Variants in TMOD2 observed in about 807,000 individuals in gnomAD.
TMOD2 encodes tropomodulin 2, also known as tropomodulin-2.
In TMOD2, 22 loss-of-function variants were observed where a neutral mutation model predicts 39.9. The ratio of observed to expected loss-of-function variants is 0.55; its 90% CI spans 0.39 to 0.79. TMOD2 has a LOEUF of 0.79. Ranked by LOEUF, TMOD2 falls within the 30% of genes least tolerant of loss-of-function variation. The pLI, the probability that TMOD2 is intolerant of heterozygous loss-of-function variation, is 0.00. For synonymous variants in TMOD2, 123 were observed against 146.1 expected (o/e 0.84, Z 1.14); for missense variants, 386 against 413.3 (o/e 0.93, Z 0.57).
At chr15:51,770,273 C>A (rs182284072) in intron 3 of TMOD2, among the ~76,000 whole-genome samples, 1 of 152,270 alleles carries the variant, frequency 6.6e-6, no homozygotes, top group African/African-American at 2.4e-5. Flanking sequence ...TTTTTCACAT[C>A]CTAAGGGTCT....
intron 7 of TMOD2, among the ~76,000 whole-genome samples, chr15:51,785,558 A>C (rs2055963663): frequency 6.6e-6 from 1 of 152,106 alleles, no homozygotes; most frequent in South Asian, 2.1e-4. Context: ...TGTTAAGTGA[A>C]ACAAGCCAAG....
intron 7 of TMOD2, among the ~76,000 whole-genome samples, chr15:51,793,739 T>G (rs953401951): frequency 6.6e-6 from 1 of 152,234 alleles, no homozygotes; most frequent in Non-Finnish European, 1.5e-5. Context: ...TTTCTCAAGT[T>G]TAAAAGAAAT....
chr15:51,815,924 G>C lies in TMOD2; in HGVS notation c.*7470G>C, dbSNP rs1309086729. The C allele has an allele frequency of 1.3e-5, 2 of 152,164 alleles. No homozygotes were observed. The highest frequency in any genetic ancestry group is 4.8e-5 in the African/African-American group (2 of 41,444). The allele number at this position is 152,164 out of a possible 1,614,324, so 9.4% of individuals were successfully genotyped here. A position where few individuals can be genotyped will look rare whatever the true frequency, so the allele number is the denominator to read the frequency against. On this transcript the variant is annotated 3_prime_UTR_variant, in exon 10 of 10. Transcript: ENST00000249700. ...TACTTTGCAAACTGTTTAAACAAGT[G>C]TTTAAACTTCTATTGGCAACATTTA...
chr15:51,801,249 A>T (rs1007146854), intron 8 of TMOD2, among the ~76,000 whole-genome samples: 30 of 135,340 alleles, frequency 2.2e-4, no homozygotes, highest in South Asian at 4.7e-4. Flanking sequence ...ACACACACAC[A>T]CACACACACA....
chr15:51,758,770 A>G (rs184924048), intron 1 of TMOD2, among the ~76,000 whole-genome samples: 75 of 152,288 alleles, frequency 4.9e-4, no homozygotes, highest in African/African-American at 1.7e-3. Flanking sequence ...GCTTCCCTGA[A>G]GAAGTGAAGC....
intron 4 of TMOD2, among the ~76,000 whole-genome samples, chr15:51,776,679 A>G (rs1431545904): frequency 6.6e-6 from 1 of 152,212 alleles, no homozygotes; most frequent in Non-Finnish European, 1.5e-5. Context: ...GGCCATAATT[A>G]GCCACTGTTC....
At chr15:51,776,677 T>C (rs6493520) in intron 4 of TMOD2, among the ~76,000 whole-genome samples, 61,443 of 152,066 alleles carry the variant, frequency 0.4, 12,589 homozygotes, top group Middle Eastern at 0.45. Context: ...GTGGCCATAA[T>C]TAGCCACTGT....
chr15:51,764,842 C>CT (rs1417167655), intron 1 of TMOD2, among the ~76,000 whole-genome samples: 12 of 152,320 alleles, frequency 7.9e-5, no homozygotes, highest in African/African-American at 2.9e-4. Context: ...AACACAGCCT[C>CT]TTTTTCACAG....
chr15:51,789,867 G>A (rs2055997960), intron 7 of TMOD2, among the ~76,000 whole-genome samples: 1 of 152,234 alleles, frequency 6.6e-6, no homozygotes, highest in East Asian at 1.9e-4. Flanking sequence ...GCAGTGTTTA[G>A]AGGGAAATTT....
chr15:51,769,092 T>G (rs2055836402), intron 3 of TMOD2, among the ~76,000 whole-genome samples: 1 of 152,182 alleles, frequency 6.6e-6, no homozygotes, highest in African/African-American at 2.4e-5. Context: ...GAGGATGAGT[T>G]GGGGAGAGTA....
At chr15:51,773,240 G>T (rs1012525385) in intron 3 of TMOD2, among the ~76,000 whole-genome samples, 2 of 152,304 alleles carry the variant, frequency 1.3e-5, no homozygotes, top group Middle Eastern at 3.4e-3. Context: ...CTTTGGGCAA[G>T]GCATTCCAGG....
chr15:51,777,540 A>G (rs894538288), intron 5 of TMOD2, among the ~76,000 whole-genome samples: 2 of 152,136 alleles, frequency 1.3e-5, no homozygotes, highest in Non-Finnish European at 2.9e-5. Context: ...ATTCCACACC[A>G]CTATCTTCTA....
intron 8 of TMOD2, among the ~76,000 whole-genome samples, chr15:51,803,173 T>C (rs1476647318): frequency 1.7e-5 from 2 of 114,884 alleles, no homozygotes; most frequent in Non-Finnish European, 3.8e-5. Flanking sequence ...ATCTTCTTTT[T>C]TTTTTTTTTT....
chr15:51,765,860 C>T (rs760448895), intron 1 of TMOD2, among the ~76,000 whole-genome samples: 2 of 152,158 alleles, frequency 1.3e-5, no homozygotes, highest in Non-Finnish European at 2.9e-5. Context: ...CTCACATAGA[C>T]GTTCCAAACT....
chr15:51,797,814 G>GA (rs1445581318), intron 7 of TMOD2, among the ~76,000 whole-genome samples: 3 of 148,192 alleles, frequency 2.0e-5, no homozygotes. Flanking sequence ...CATAGTAAAG[G>GA]AAAAAAACTG....
intron 1 of TMOD2, among the ~76,000 whole-genome samples, chr15:51,755,454 T>A (rs1193290107): frequency 6.6e-6 from 1 of 152,154 alleles, no homozygotes; most frequent in Non-Finnish European, 1.5e-5. Context: ...AGGGTGGGGA[T>A]GAGAAAGTCA....
intron 2 of TMOD2, 90 bp from the exon 3 acceptor site, chr15:51,768,172 C>A: frequency 6.7e-7 from 1 of 1,490,400 alleles, no homozygotes; most frequent in Non-Finnish European, 9.3e-7. Flanking sequence ...TCCTGCTTCC[C>A]CAGCACATAG....
chr15:51,756,651 A>G (rs954734167), intron 1 of TMOD2, among the ~76,000 whole-genome samples: 3 of 152,184 alleles, frequency 2.0e-5, no homozygotes, highest in Admixed American at 1.3e-4. Flanking sequence ...TTGTTTTTCA[A>G]GTATGATTTA....
chr15:51,757,940 C>A (rs552398879), intron 1 of TMOD2, among the ~76,000 whole-genome samples: 4 of 152,206 alleles, frequency 2.6e-5, no homozygotes, highest in African/African-American at 9.6e-5. Context: ...TGGGACATAC[C>A]TGTAGTCTCA....
Sources: allele counts gnomAD v4.1 joint callset (sites outside exome capture counted in the v4.1 genomes callset), GRCh38; gene constraint gnomAD v4.1.1; transcripts MANE v1.5; gene names NCBI Gene and HGNC (gene_info 2026-07-23, HGNC 2026-07-21).